The following CSMD1 variants were observed in gnomAD, a reference collection of about 807,000 sequenced individuals.
CSMD1 encodes the protein CUB and sushi domain-containing protein 1.
Under a neutral mutation model 417.5 loss-of-function variants are expected in CSMD1, and 213 were observed. The observed-to-expected ratio is 0.51, with a 90% CI of 0.46 to 0.57. The LOEUF is 0.57. Among genes scored for constraint, CSMD1 ranks in the 20% least tolerant of loss-of-function variants. CSMD1 has a pLI of 0.00. For missense variants in CSMD1, 6,923 were observed against 4,529.7 expected, an observed-to-expected ratio of 1.53 and a Z score of -15.17; for synonymous variants, 2,862 against 1,736.8, an observed-to-expected ratio of 1.65 and a Z score of -16.11.
At chr8:4,356,661 A>G (rs1801449465) in intron 3 of CSMD1, among the ~76,000 whole-genome samples, 1 of 152,114 alleles carries the variant, frequency 6.6e-6, no homozygotes, top group Admixed American at 6.6e-5. Context: ...GTTCACATAC[A>G]CCTGTTAGTG....
intron 11 of CSMD1, among the ~76,000 whole-genome samples, chr8:3,485,201 T>C (rs533772547): frequency 3.2e-4 from 49 of 152,312 alleles, no homozygotes; most frequent in African/African-American, 1.1e-3. Flanking sequence ...GGAACATTCA[T>C]ACCTTGAAAT....
At chr8:2,963,124 C>T in intron 60 of CSMD1, 98 bp downstream of exon 60, 5 of 1,331,938 alleles carry the variant, frequency 3.8e-6, no homozygotes, top group Non-Finnish European at 5.3e-6. Flanking sequence ...TATTACCCAC[C>T]AGGAAGGTCC....
At chr8:3,528,858 G>A (rs551063664) in intron 10 of CSMD1, among the ~76,000 whole-genome samples, 2 of 152,220 alleles carry the variant, frequency 1.3e-5, no homozygotes, top group South Asian at 2.1e-4. Context: ...AACTAAATGA[G>A]TTTTAATACT....
chr8:4,392,847 A>T (rs973461426), intron 3 of CSMD1, among the ~76,000 whole-genome samples: 1 of 151,828 alleles, frequency 6.6e-6, no homozygotes, highest in Non-Finnish European at 1.5e-5. Context: ...AGGCACCTGT[A>T]ATCCCAGCTA....
chr8:4,920,583 A>C (rs867858689), intron 1 of CSMD1, among the ~76,000 whole-genome samples: 1 of 152,252 alleles, frequency 6.6e-6, no homozygotes, highest in South Asian at 2.1e-4. Flanking sequence ...GCACTTTGGG[A>C]GGCTGAGGCA....
At chr8:3,370,729 C>T (rs1421979488) in intron 18 of CSMD1, among the ~76,000 whole-genome samples, 1 of 152,174 alleles carries the variant, frequency 6.6e-6, no homozygotes, top group Middle Eastern at 3.2e-3. Context: ...AATCCCAGCA[C>T]TTTGGGAGGC....
At chr8:4,925,841 C>A (rs1446989679) in intron 1 of CSMD1, among the ~76,000 whole-genome samples, 1 of 152,220 alleles carries the variant, frequency 6.6e-6, no homozygotes, top group Admixed American at 6.5e-5. Context: ...GCCCTCGCGC[C>A]TGGCCTCTAT....
chr8:3,220,581 C>G (rs1290955933), intron 28 of CSMD1, among the ~76,000 whole-genome samples: 1 of 152,130 alleles, frequency 6.6e-6, no homozygotes, highest in Non-Finnish European at 1.5e-5. Flanking sequence ...GCCTGTAATC[C>G]CAGCACTTTG....
chr8:4,670,169 T>A (rs1008523688), intron 1 of CSMD1, among the ~76,000 whole-genome samples: 1 of 152,234 alleles, frequency 6.6e-6, no homozygotes, highest in Non-Finnish European at 1.5e-5. Context: ...CTCACATTAA[T>A]TTTTGCAAAC....
At chr8:4,108,035 G>C (rs570376743) in intron 3 of CSMD1, among the ~76,000 whole-genome samples, 1 of 151,854 alleles carries the variant, frequency 6.6e-6, no homozygotes, top group East Asian at 1.9e-4. Context: ...GAGAGAGAGA[G>C]AGAGAAAGAG....
chr8:4,335,932 TA>T (rs1307050570), intron 3 of CSMD1, among the ~76,000 whole-genome samples: 2 of 152,076 alleles, frequency 1.3e-5, no homozygotes, highest in African/African-American at 2.4e-5. Context: ...GGGAGCCCCA[TA>T]TTGGAGGATA....
At chr8:4,910,903 T>C (rs1585311291) in intron 1 of CSMD1, among the ~76,000 whole-genome samples, 1 of 152,134 alleles carries the variant, frequency 6.6e-6, no homozygotes, top group African/African-American at 2.4e-5. Flanking sequence ...AGGGACCCAG[T>C]GGGAGGTAAT....
chr8:3,851,611 G>A (rs1193966028), intron 5 of CSMD1, among the ~76,000 whole-genome samples: 1 of 151,990 alleles, frequency 6.6e-6, no homozygotes, highest in Non-Finnish European at 1.5e-5. Flanking sequence ...TACTTTCACT[G>A]GAGAAAAAAA....
intron 25 of CSMD1, among the ~76,000 whole-genome samples, chr8:3,286,768 T>G (rs1313328434): frequency 2.0e-5 from 3 of 152,158 alleles, no homozygotes; most frequent in Non-Finnish European, 2.9e-5. Context: ...TCCCATTCTG[T>G]AGGTTGAGTG....
At chr8:4,487,400 G>C (rs557480107) in intron 2 of CSMD1, among the ~76,000 whole-genome samples, 1 of 152,184 alleles carries the variant, frequency 6.6e-6, no homozygotes, top group South Asian at 2.1e-4. Context: ...CCATCTATGA[G>C]TGAGAACATG....
intron 1 of CSMD1, among the ~76,000 whole-genome samples, chr8:4,737,047 C>T (rs1257011326): frequency 6.6e-6 from 1 of 152,066 alleles, no homozygotes; most frequent in Non-Finnish European, 1.5e-5. Context: ...AAGTTTATTG[C>T]AGCATGATTC....
At chr8:3,917,403 G>C (rs949999149) in intron 5 of CSMD1, among the ~76,000 whole-genome samples, 1 of 136,422 alleles carries the variant, frequency 7.3e-6, no homozygotes, top group African/African-American at 2.9e-5. Flanking sequence ...GTTTGGGTTT[G>C]GTTATACCAC....
intron 12 of CSMD1, among the ~76,000 whole-genome samples, chr8:3,447,710 A>G (rs775655492): frequency 3.3e-5 from 5 of 152,200 alleles, no homozygotes; most frequent in Non-Finnish European, 7.3e-5. Context: ...GGTTTGCTTC[A>G]GCCCTGTTGC....
intron 12 of CSMD1, among the ~76,000 whole-genome samples, chr8:3,430,661 G>C (rs975501277): frequency 1.3e-5 from 2 of 152,042 alleles, no homozygotes; most frequent in Non-Finnish European, 2.9e-5. Context: ...ACAAAAAGTA[G>C]CCAGGTGTGA....
Sources: gnomAD v4.1 joint callset for allele counts (sites outside exome capture counted in the v4.1 genomes callset) on GRCh38, gnomAD v4.1.1 for gene constraint, MANE v1.5 for transcripts, NCBI Gene and HGNC (gene_info 2026-07-23, HGNC 2026-07-21) for gene names.